LDLRAD1: variants seen among roughly 807,000 people sequenced by gnomAD.
The protein encoded by LDLRAD1 is low-density lipoprotein receptor class A domain-containing protein 1.
In LDLRAD1, 17 loss-of-function variants were observed where a neutral mutation model predicts 24.8. The observed-to-expected ratio is 0.69, with a 90% confidence interval of 0.47 to 1.03. The LOEUF is 1.03. Among genes scored for constraint, LDLRAD1 ranks in the 50% least tolerant of loss-of-function variants. The pLI is 0.00. For missense variants in LDLRAD1, 277 were observed against 271.0 expected, an observed-to-expected ratio of 1.02 and a Z score of -0.16; for synonymous variants, 103 against 108.2, an observed-to-expected ratio of 0.95 and a Z score of 0.30.
chr1:54,010,957 A>G (rs530912656), intron 4 of LDLRAD1, among the ~76,000 whole-genome samples: 21 of 152,308 alleles, frequency 1.4e-4, no homozygotes, highest in African/African-American at 4.6e-4. Flanking sequence ...AGGCCACATC[A>G]CTAGAGGTAG....
rs770964760 is a variant in LDLRAD1, at chr1:54,008,427, G to A, written c.*555C>T. 1 of 152,708 alleles carries A rather than the reference G, an allele frequency of 6.5e-6. No homozygotes were observed. The highest frequency in any genetic ancestry group is 2.4e-5 in the African/African-American group (1 of 41,462). The allele number at this position is 152,708 out of a possible 1,614,324, so 9.5% of individuals were successfully genotyped here. On this transcript the variant is annotated 3_prime_UTR_variant, in exon 6 of 6. Coordinates refer to ENST00000371360, the MANE Select transcript of LDLRAD1 (RefSeq NM_001010978.4). ...CCCCAGACATGTCATCACTCTAAGG[G>A]ATGACGAGATTAGGATCCACAAGTA...
chr1:54,018,021 C>T (rs34764952), intron 1 of LDLRAD1, 71 bp downstream of exon 1: 537,172 of 1,393,690 alleles, frequency 0.39, 107,651 homozygotes, highest in East Asian at 0.57. Context: ...GGACAGCTCT[C>T]ACCTGGGGAC....
At chr1:54,015,077 A>G (rs1656246100) in intron 2 of LDLRAD1, among the ~76,000 whole-genome samples, 1 of 152,220 alleles carries the variant, frequency 6.6e-6, no homozygotes, top group Non-Finnish European at 1.5e-5. Context: ...AGTGTTGAGT[A>G]TGAGCTATTA....
chr1:54,015,449 G>A (rs1397042484), intron 2 of LDLRAD1, among the ~76,000 whole-genome samples: 2 of 152,102 alleles, frequency 1.3e-5, no homozygotes, highest in African/African-American at 2.4e-5. Context: ...GCCCTGCTGT[G>A]CAGCTTGCCC....
At chr1:54,016,095 C>A (rs1376186075) in intron 2 of LDLRAD1, among the ~76,000 whole-genome samples, 5 of 152,056 alleles carry the variant, frequency 3.3e-5, no homozygotes, top group African/African-American at 1.2e-4. Context: ...ATGGGATTTC[C>A]ACAGGCAGGT....
At position 54,017,356 on chromosome 1, in the gene LDLRAD1, C is replaced by T. The variant is rs1448187987; in HGVS notation, c.73+20G>A. The T allele has an allele frequency of 1.3e-6, 2 of 1,587,564 alleles. No individual in the cohort carries two copies. The highest frequency in any genetic ancestry group is 1.8e-4 in the Middle Eastern group (1 of 5,646). On this transcript the variant is annotated intron_variant, in intron 2 of 5. Coordinates refer to ENST00000371360, the MANE Select transcript of LDLRAD1 (RefSeq NM_001010978.4). ...AGGGAGCCCCACAGGGCACTGGCCC[C>T]AGGCCCTCCAGTTCTTTACCTTCCC... is the stretch of plus-strand genomic sequence containing the variant.
rs147810799 is a variant in LDLRAD1 at position 54,013,983 on chromosome 1, A to G, written c.202+253T>C. ...TCGTAACCCATCCTGGGGGTCTAGG[A>G]AGGCATCCTGGAGGAGGTGACATCA... On this transcript the variant is annotated intron_variant, in intron 3 of 5. Coordinates refer to ENST00000371360, the MANE Select transcript of LDLRAD1 (RefSeq NM_001010978.4). 4.7e-3 allele frequency among the ~76,000 whole-genome samples: 716 copies of G among 152,062 alleles called. 1 individual carries two copies. Among genetic ancestry groups the G allele is most frequent in the Non-Finnish European group, 8.2e-3 (559 of 67,968 alleles).
Position 54,014,369 on chromosome 1 carries a change from G to GT in LDLRAD1, c.74-6dup. The GT allele has an allele frequency of 6.5e-7, 1 of 1,531,050 alleles. No individual in the cohort carries two copies. Among genetic ancestry groups the GT allele is most frequent in the Non-Finnish European group, 8.8e-7 (1 of 1,136,750 alleles). 94.8% of individuals were successfully genotyped at this position (1,531,050 alleles called of 1,614,324 possible). A position where few individuals can be genotyped will look rare whatever the true frequency, so the allele number is the denominator to read the frequency against. On this transcript the variant is annotated splice_region_variant and splice_polypyrimidine_tract_variant and intron_variant, in intron 2 of 5. Coordinates refer to ENST00000371360, the MANE Select transcript of LDLRAD1 (RefSeq NM_001010978.4). ...AGCAGAGGTGGCCGCCGCCTGCTGT[G>GT]TGGGGGGGAAACAAGCCCGGGGGTG...
At chr1:54,011,995 A>G in intron 4 of LDLRAD1, 148 bp downstream of exon 4, 1 of 869,154 alleles carries the variant, frequency 1.2e-6, no homozygotes. Flanking sequence ...CCTGACTGGG[A>G]CCAGGTCGGG....
At chr1:54,011,751 G>A (rs938049330) in intron 4 of LDLRAD1, among the ~76,000 whole-genome samples, 1 of 152,182 alleles carries the variant, frequency 6.6e-6, no homozygotes, top group East Asian at 1.9e-4. Flanking sequence ...CAGTCTGATG[G>A]GGGTGGCAGA....
chr1:54,012,043 C>T, intron 4 of LDLRAD1, 100 bp downstream of exon 4: 2 of 1,426,230 alleles, frequency 1.4e-6, no homozygotes, highest in Non-Finnish European at 1.9e-6. Context: ...AGCATCAAAG[C>T]CATGGGGACT....
At chr1:54,013,553 C>T (rs1656156340) in intron 3 of LDLRAD1, among the ~76,000 whole-genome samples, 1 of 151,966 alleles carries the variant, frequency 6.6e-6, no homozygotes, top group Non-Finnish European at 1.5e-5. Context: ...CCAGCCCTTC[C>T]TGTGCACTGG....
chr1:54,017,439 A>G lies in LDLRAD1; in HGVS notation c.22-12T>C. The stretch of plus-strand genomic sequence containing the variant: ...TAGCCATTCTCTCCCTGCCCAAGAG[A>G]ACAGAGTGAGGGGTGGGCTTAGGTG... On this transcript the variant is annotated splice_polypyrimidine_tract_variant and intron_variant, in intron 1 of 5. Transcript: ENST00000371360. The G allele has an allele frequency of 1.9e-6, 3 of 1,596,486 alleles. No homozygotes were observed. The highest frequency in any genetic ancestry group is 2.6e-6 in the Non-Finnish European group (3 of 1,170,320).
intron 2 of LDLRAD1, among the ~76,000 whole-genome samples, chr1:54,015,491 C>T (rs1656264011): frequency 6.6e-6 from 1 of 152,146 alleles, no homozygotes; most frequent in South Asian, 2.1e-4. Flanking sequence ...TGTTATTGCA[C>T]TTAGAAGGCA....
intron 2 of LDLRAD1, among the ~76,000 whole-genome samples, chr1:54,014,959 T>G (rs1226471510): frequency 6.6e-6 from 1 of 152,170 alleles, no homozygotes; most frequent in Non-Finnish European, 1.5e-5. Context: ...AGTAAGCCAC[T>G]TCACTTCCCT....
intron 4 of LDLRAD1, 131 bp from the exon 5 acceptor site, chr1:54,010,541 G>A (rs927039598): frequency 3.6e-6 from 3 of 834,482 alleles, no homozygotes; most frequent in Non-Finnish European, 1.9e-6. Context: ...CCAGAAGGGT[G>A]CAAGCAGAAG....
In LDLRAD1 at chr1:54,008,892, TCC is replaced by T; in HGVS notation, c.*88_*89del. ...TGTAGATCCCATTTCAAAGGCTGCT[TCC>T]TGCCCTTGTGCGCTAGGATTTGATT... On this transcript the variant is annotated 3_prime_UTR_variant, in exon 6 of 6. Transcript: ENST00000371360. 9.1e-7 allele frequency: 1 copy of T among 1,094,686 alleles called. No individual in the cohort carries two copies. The highest frequency in any genetic ancestry group is 1.2e-6 in the Non-Finnish European group (1 of 813,880). 67.8% of individuals were successfully genotyped at this position (1,094,686 alleles called of 1,614,324 possible).
chr1:54,009,248 G>GT, intron 5 of LDLRAD1, 118 bp from the exon 6 acceptor site: 1 of 875,746 alleles, frequency 1.1e-6, no homozygotes, highest in Non-Finnish European at 1.8e-6. Context: ...CCCATCTGAC[G>GT]TGAGTTGAGT....
Position 54,007,868 on chromosome 1 carries a change from C to T in LDLRAD1, c.*1114G>A, listed in dbSNP as rs1655881394. The T allele has an allele frequency of 6.6e-6, 1 of 152,250 alleles. No individual in the cohort carries two copies. The highest frequency in any genetic ancestry group is 2.4e-5 in the African/African-American group (1 of 41,434). The allele number at this position is 152,250 out of a possible 1,614,324, so 9.4% of individuals were successfully genotyped here. On this transcript the variant is annotated 3_prime_UTR_variant, in exon 6 of 6. Coordinates refer to ENST00000371360, the MANE Select transcript of LDLRAD1 (RefSeq NM_001010978.4). ...ATTTGGGTTCCAGTTCCAGCGCTGA[C>T]TTTGCTCTATGATTCTGGACAAGTC...
Sources: gnomAD v4.1 joint callset for allele counts (sites outside exome capture counted in the v4.1 genomes callset) on GRCh38, gnomAD v4.1.1 for gene constraint, MANE v1.5 for transcripts, NCBI Gene and HGNC (gene_info 2026-07-23, HGNC 2026-07-21) for gene names.